The following DDIT4 variants were observed in gnomAD, a reference collection of about 807,000 sequenced individuals.
DDIT4 encodes DNA damage inducible transcript 4.
A neutral mutation model predicts 20.2 loss-of-function variants in DDIT4; 20 were observed. The observed-to-expected ratio is 0.99, with a 90% confidence interval of 0.70 to 1.44. The LOEUF (loss-of-function observed/expected upper bound fraction) is 1.44. Ranked by LOEUF, DDIT4 falls within the 40% of genes most tolerant of loss-of-function variation. The probability of loss-of-function intolerance (pLI) is 0.00; values close to 1 mark genes in which losing one functional copy is unlikely to be tolerated. For missense variants in DDIT4, 316 were observed against 298.1 expected, an observed-to-expected ratio of 1.06 and a Z score of -0.44; for synonymous variants, 152 against 144.6, an observed-to-expected ratio of 1.05 and a Z score of -0.37.
At position 72,275,055 on chromosome 10, in the gene DDIT4, TC is replaced by T; in HGVS notation, c.568del (p.Gln190ArgfsTer19). The T allele has an allele frequency of 1.9e-6, 3 of 1,613,572 alleles. No individual in the cohort carries two copies. Among genetic ancestry groups the T allele is most frequent in the Non-Finnish European group, 2.5e-6 (3 of 1,179,972 alleles). On this transcript the variant is annotated frameshift_variant, in exon 3 of 3. Coordinates refer to ENST00000307365, the MANE Select transcript of DDIT4 (RefSeq NM_019058.4). LOFTEE classifies it high-confidence loss of function. ...LRLDSRLWPKIQGLFSSANSP... is the reference protein window; with the variant it reads ...LRLDSRLWPKXQGLFSSANSP... ...CTGGACTCACGACTCTGGCCCAAGA[TC>T]CAGGGGCTGTTTAGCTCCGCCAACT...
Position 72,274,257 on chromosome 10 carries a change from C to T in DDIT4, c.41C>T (p.Ser14Phe). The part of the protein sequence containing the change: ...LWDRFSSSST[S>F]SSPSSLPRTP... ...GACCGCTTCTCGTCGTCGTCCACCT[C>T]CTCTTCGCCCTCGTCCTTGCCCCGA... Residue 14 changes from serine to phenylalanine, a missense_variant, in exon 2 of 3, where the codon TCC becomes TTC. Transcript: ENST00000307365. 1.9e-6 allele frequency: 3 copies of T among 1,613,816 alleles called. No individual in the cohort carries two copies. The highest frequency in any genetic ancestry group is 2.5e-6 in the Non-Finnish European group (3 of 1,179,970).
chr10:72,274,279 C>G lies in DDIT4; in HGVS notation c.63C>G (p.Pro21=). Residue 21 remains proline, a synonymous_variant, in exon 2 of 3, where the codon CCC becomes CCG. Coordinates refer to ENST00000307365, the MANE Select transcript of DDIT4 (RefSeq NM_019058.4). ...CCTCCTCTTCGCCCTCGTCCTTGCC[C>G]CGAACTCCCACCCCAGATCGGCCGC... The part of the protein sequence containing the change: ...SSTSSSPSSL[P]RTPTPDRPPR... 1 of 1,613,632 alleles carries G rather than the reference C, an allele frequency of 6.2e-7. No individual in the cohort carries two copies. The highest frequency in any genetic ancestry group is 8.5e-7 in the Non-Finnish European group (1 of 1,179,992).
At position 72,274,735 on chromosome 10, in the gene DDIT4, G is replaced by C. The variant is rs759095854; in HGVS notation, c.246G>C (p.Glu82Asp). The change falls in exon 3 of 3, where the codon GAG becomes GAC. Residue 82 changes from glutamate to aspartate, a missense_variant. By Grantham distance (45) the Glu-to-Asp change is conservative. Coordinates refer to ENST00000307365, the MANE Select transcript of DDIT4 (RefSeq NM_019058.4). ...ATGGGGTGTCGTTGCCCGACTTCGA[G>C]CTGCTCAGTGACCCTGAGGATGAAC... is the stretch of plus-strand genomic sequence containing the variant. ...YLDGVSLPDF[E>D]LLSDPEDEHL... The C allele has an allele frequency of 1.9e-6, 3 of 1,613,262 alleles. No individual in the cohort carries two copies. Among genetic ancestry groups the C allele is most frequent in the Non-Finnish European group, 2.5e-6 (3 of 1,179,430 alleles).
rs1860806035 is a variant in DDIT4 at position 72,274,705 on chromosome 10, C to T, written c.216C>T (p.Tyr72=). 1.2e-6 allele frequency: 2 copies of T among 1,609,872 alleles called. No homozygotes were observed. The highest frequency in any genetic ancestry group is 2.2e-5 in the South Asian group (2 of 90,794). Residue 72 remains tyrosine (Y), a synonymous_variant, in exon 3 of 3, where the codon TAC becomes TAT. Coordinates refer to ENST00000307365, the MANE Select transcript of DDIT4 (RefSeq NM_019058.4). ...TGCTCTCCTTTCCAGACACGGCTTA[C>T]CTGGATGGGGTGTCGTTGCCCGACT... ...SGFGPEEDTA[Y]LDGVSLPDFE... is the part of the protein sequence containing the mutation.
At position 72,273,947 on chromosome 10, in the gene DDIT4, G is replaced by A. The variant is rs187912135; in HGVS notation, c.-174G>A. On this transcript the variant is annotated 5_prime_UTR_variant, in exon 1 of 3. Coordinates refer to ENST00000307365, the MANE Select transcript of DDIT4 (RefSeq NM_019058.4). ...GCGCAGCAGGCCAAGGGGGAGGTGC[G>A]AGCGTGGACCTGGGACGGGTCTGGG... is the stretch of plus-strand genomic sequence containing the variant. 4.9e-5 allele frequency: 26 copies of A among 527,486 alleles called. No homozygotes were observed. In the East Asian group the frequency reaches 8.0e-4, roughly 16 times the overall value. 32.7% of individuals were successfully genotyped at this position (527,486 alleles called of 1,614,324 possible).
rs745432530 is a variant in DDIT4 at position 72,275,197 on chromosome 10, C to T, written c.*9C>T. The T allele has an allele frequency of 7.5e-6, 12 of 1,600,710 alleles. No individual in the cohort carries two copies. Among genetic ancestry groups the T allele is most frequent in the Non-Finnish European group, 9.3e-6 (11 of 1,176,566 alleles). ...TCATTGAGGAGTGTTGAACTTCAAC[C>T]TGAGGGGGCCGACAGTGCCCTCCAA... On this transcript the variant is annotated 3_prime_UTR_variant, in exon 3 of 3. Coordinates refer to ENST00000307365, the MANE Select transcript of DDIT4 (RefSeq NM_019058.4).
In DDIT4 at chr10:72,275,377, T is replaced by G; in HGVS notation, c.*189T>G. ...GAGTTGTGTGCGGGTGGCTGTGCAT[T>G]GGGGACACATACCCCTCAGTACTGT... is the stretch of plus-strand genomic sequence containing the variant. On this transcript the variant is annotated 3_prime_UTR_variant, in exon 3 of 3. Coordinates refer to ENST00000307365, the MANE Select transcript of DDIT4 (RefSeq NM_019058.4). 1.6e-6 allele frequency: 1 copy of G among 633,666 alleles called. No individual in the cohort carries two copies. The highest frequency in any genetic ancestry group is 2.0e-5 in the South Asian group (1 of 50,790). 39.3% of individuals were successfully genotyped at this position (633,666 alleles called of 1,614,324 possible). A position where few individuals can be genotyped will look rare whatever the true frequency, so the allele number is the denominator to read the frequency against.
rs1179537610 is a variant in DDIT4 at position 72,275,777 on chromosome 10, A to G, written c.*589A>G. ...GGGTGGGTGTCAGGGATCACTTGGG[A>G]TCTTTGACACTTGAAAAATTACACC... On this transcript the variant is annotated 3_prime_UTR_variant, in exon 3 of 3. Coordinates refer to ENST00000307365, the MANE Select transcript of DDIT4 (RefSeq NM_019058.4). 6.6e-6 allele frequency: 1 copy of G among 152,654 alleles called. No individual in the cohort carries two copies. Among genetic ancestry groups the G allele is most frequent in the Admixed American group, 6.5e-5 (1 of 15,280 alleles). The allele number at this position is 152,654 out of a possible 1,614,324, so 9.5% of individuals were successfully genotyped here. A position where few individuals can be genotyped will look rare whatever the true frequency, so the allele number is the denominator to read the frequency against.
At position 72,274,982 on chromosome 10, in the gene DDIT4, C is replaced by G. The variant is rs1363600818; in HGVS notation, c.493C>G (p.Leu165Val). 1.2e-6 allele frequency: 2 copies of G among 1,613,246 alleles called. No individual in the cohort carries two copies. The highest frequency in any genetic ancestry group is 1.7e-5 in the Admixed American group (1 of 60,008). ...KSCHSVGQLA[L>V]DPSLVPTFQL... ...CTGCCACAGCGTGGGCCAGCTGGCA[C>G]TCGACCCCAGCCTGGTGCCCACCTT... Residue 165 changes from leucine (L) to valine (V), a missense_variant, in exon 3 of 3, where the codon CTC becomes GTC. Leu to Val is a conservative substitution (Grantham distance 32). Transcript: ENST00000307365.
rs766050643 is a variant in DDIT4, at chr10:72,274,409, G to A, written c.193G>A (p.Gly65Arg). 2 of 1,571,170 alleles carry A rather than the reference G, an allele frequency of 1.3e-6. No individual in the cohort carries two copies. Among genetic ancestry groups the A allele is most frequent in the Non-Finnish European group, 8.6e-7 (1 of 1,160,054 alleles). Residue 65 changes from glycine to arginine, a missense_variant, in exon 2 of 3, where the codon GGG becomes AGG. Gly to Arg is a moderately radical substitution (Grantham distance 125). Transcript: ENST00000307365. ...ESLDSSNSGFGPEEDTAYLDG... is the reference protein window; with the variant it reads ...ESLDSSNSGFRPEEDTAYLDG... ...CCTGGACAGCAGCAACAGTGGCTTC[G>A]GGCCGGAGGAAGGTGAGCGGTGGGC...
chr10:72,274,856 TTGGTAAGCCAGG>T lies in DDIT4; in HGVS notation c.371_382del (p.Val124_Val127del), dbSNP rs772240589. 1.2e-6 allele frequency: 2 copies of T among 1,613,484 alleles called. No individual in the cohort carries two copies. The highest frequency in any genetic ancestry group is 1.7e-6 in the Non-Finnish European group (2 of 1,180,002). On this transcript the variant is annotated inframe_deletion, in exon 3 of 3. Transcript: ENST00000307365. ...TGCGCGCCTGCTGATGCCTAGCCAG[TTGGTAAGCCAGG>T]TGGGCAAAGAACTACTGCGCCTGGC...
rs757132187 is a variant in DDIT4, at chr10:72,274,682, C to T, written c.206-13C>T. 6.3e-7 allele frequency: 1 copy of T among 1,598,990 alleles called. No individual in the cohort carries two copies. The highest frequency in any genetic ancestry group is 8.5e-7 in the Non-Finnish European group (1 of 1,171,108). On this transcript the variant is annotated splice_polypyrimidine_tract_variant and intron_variant, in intron 2 of 2. Coordinates refer to ENST00000307365, the MANE Select transcript of DDIT4 (RefSeq NM_019058.4). ...CCGCTCTAATACCCCTTCCTGTGTGCTCTCCTTTCCAGACACGGCTTACCT... is the reference window on the plus strand; with the variant it reads ...CCGCTCTAATACCCCTTCCTGTGTGTTCTCCTTTCCAGACACGGCTTACCT...
At position 72,273,926 on chromosome 10, in the gene DDIT4, A is replaced by G. The variant is rs962451762; in HGVS notation, c.-195A>G. On this transcript the variant is annotated 5_prime_UTR_variant, in exon 1 of 3. Coordinates refer to ENST00000307365, the MANE Select transcript of DDIT4 (RefSeq NM_019058.4). ...CTGCTCCGCGCTGGTGCTAGGGCGC[A>G]GCAGGCCAAGGGGGAGGTGCGAGCG... 5 of 488,820 alleles carry G rather than the reference A, an allele frequency of 1.0e-5. No homozygotes were observed. The highest frequency in any genetic ancestry group is 1.9e-5 in the Non-Finnish European group (5 of 270,170). The allele number at this position is 488,820 out of a possible 1,614,324, so 30.3% of individuals were successfully genotyped here. A position where few individuals can be genotyped will look rare whatever the true frequency, so the allele number is the denominator to read the frequency against.
In DDIT4 at chr10:72,275,038, A is replaced by G; in HGVS notation, c.549A>G (p.Ser183=). The G allele has an allele frequency of 6.2e-7, 1 of 1,613,562 alleles. No individual in the cohort carries two copies. The highest frequency in any genetic ancestry group is 1.1e-5 in the South Asian group (1 of 91,080). The change falls in exon 3 of 3, where the codon TCA becomes TCG. Residue 183 remains serine, a synonymous_variant. Transcript: ENST00000307365. The stretch of plus-strand genomic sequence containing the variant: ...TGACCCTCGTGCTGCGCCTGGACTC[A>G]CGACTCTGGCCCAAGATCCAGGGGC... ...FQLTLVLRLD[S]RLWPKIQGLF... is the part of the protein sequence containing the mutation.
rs1436077932 is a variant in DDIT4, at chr10:72,274,400, A to G, written c.184A>G (p.Ser62Gly). The change falls in exon 2 of 3, where the codon AGT (serine) becomes GGT (glycine). Residue 62 changes from serine to glycine, a missense_variant. By Grantham distance (56) the Ser-to-Gly change is moderately conservative. Coordinates refer to ENST00000307365, the MANE Select transcript of DDIT4 (RefSeq NM_019058.4). Reference protein sequence around the residue: ...SDCESLDSSNSGFGPEEDTAY... With the variant: ...SDCESLDSSNGGFGPEEDTAY... ...CTGCGAGTCCCTGGACAGCAGCAAC[A>G]GTGGCTTCGGGCCGGAGGAAGGTGA... The G allele has an allele frequency of 6.3e-7, 1 of 1,583,298 alleles. No homozygotes were observed. The highest frequency in any genetic ancestry group is 8.6e-7 in the Non-Finnish European group (1 of 1,165,418).
rs1375361780 is a variant in DDIT4 at position 72,275,164 on chromosome 10, A to AC, written c.676dup (p.Gln226ProfsTer5). The AC allele has an allele frequency of 1.2e-6, 2 of 1,611,536 alleles. No homozygotes were observed. Among genetic ancestry groups the AC allele is most frequent in the South Asian group, 1.1e-5 (1 of 91,054 alleles). ...TCAAGAAGAAGCTGTACAGCTCGGA[A>AC]CAGCTGCTCATTGAGGAGTGTTGAA... is the stretch of plus-strand genomic sequence containing the variant. On this transcript the variant is annotated frameshift_variant, in exon 3 of 3. Transcript: ENST00000307365. LOFTEE classifies it high-confidence loss of function.
intron 1 of DDIT4, 41 bp from the exon 2 acceptor site, chr10:72,274,116 C>T: frequency 2.1e-6 from 2 of 943,686 alleles, no homozygotes; most frequent in Non-Finnish European, 1.7e-6. Flanking sequence ...CTGGTCTGGT[C>T]CCCAGACTGA....
intron 2 of DDIT4, 60 bp from the exon 3 acceptor site, chr10:72,274,635 G>C: frequency 6.5e-7 from 1 of 1,536,448 alleles, no homozygotes; most frequent in East Asian, 2.3e-5. Context: ...CACCTCCCCC[G>C]CCTGTGCGTT....
In DDIT4 at chr10:72,274,298, C is replaced by T. The variant is rs199914945; in HGVS notation, c.82C>T (p.Arg28Trp). ...SSLPRTPTPD[R>W]PPRSAWGSAT... ...CTTGCCCCGAACTCCCACCCCAGAT[C>T]GGCCGCCGCGCTCAGCCTGGGGGTC... is the stretch of plus-strand genomic sequence containing the variant. Residue 28 changes from arginine to tryptophan, a missense_variant, in exon 2 of 3, where the codon CGG becomes TGG. Arg to Trp is a moderately radical substitution (Grantham distance 101). Transcript: ENST00000307365. 5.6e-5 allele frequency: 90 copies of T among 1,613,316 alleles called. No individual in the cohort carries two copies. The highest frequency in any genetic ancestry group is 6.9e-5 in the Non-Finnish European group (82 of 1,179,956).
Sources: gnomAD v4.1 joint callset for allele counts on GRCh38, gnomAD v4.1.1 for gene constraint, MANE v1.5 for transcripts, NCBI Gene and HGNC (gene_info 2026-07-23, HGNC 2026-07-21) for gene names.